Variants in TTC28 observed in about 807,000 individuals in gnomAD.
The protein encoded by TTC28 is tetratricopeptide repeat domain 28, also known as tetratricopeptide repeat protein 28.
Under a neutral mutation model 198.0 loss-of-function variants are expected in TTC28, and 61 were observed. The ratio of observed to expected loss-of-function variants is 0.31; its 90% confidence interval spans 0.25 to 0.38. TTC28 has a LOEUF of 0.38. Among genes scored for constraint, TTC28 ranks in the 10% least tolerant of loss-of-function variants. The pLI is 1.00. For missense variants in TTC28, 2,678 were observed against 3,164.0 expected (o/e 0.85, Z 3.69); for synonymous variants, 1,171 against 1,297.8 (o/e 0.90, Z 2.10).
chr22:28,184,917 A>AGC (rs1442223643), intron 5 of TTC28, among the ~76,000 whole-genome samples: 1 of 152,124 alleles, frequency 6.6e-6, no homozygotes, highest in African/African-American at 2.4e-5. Context: ...ATGAGACGGG[A>AGC]GCTTCCTGAT....
intron 1 of TTC28, among the ~76,000 whole-genome samples, chr22:28,641,344 G>T (rs919310400): frequency 2.6e-5 from 4 of 151,860 alleles, no homozygotes; most frequent in Admixed American, 6.6e-5. Context: ...ATAAAGAAAT[G>T]AATAAAACAC....
chr22:28,362,314 G>C (rs1569283100), intron 2 of TTC28, among the ~76,000 whole-genome samples: 3 of 152,242 alleles, frequency 2.0e-5, no homozygotes, highest in African/African-American at 4.8e-5. Flanking sequence ...CTCTTTGCCT[G>C]CTGTCATCCG....
At chr22:28,677,489 T>C (rs4035565) in intron 1 of TTC28, among the ~76,000 whole-genome samples, 1 of 151,456 alleles carries the variant, frequency 6.6e-6, no homozygotes, top group South Asian at 2.1e-4. Context: ...TCTACTAAAA[T>C]AATACAACAA....
At chr22:28,590,351 A>G (rs1252023065) in intron 2 of TTC28, among the ~76,000 whole-genome samples, 11 of 151,826 alleles carry the variant, frequency 7.2e-5, no homozygotes, top group Non-Finnish European at 1.5e-4. Context: ...GGATGGTCTC[A>G]ATCTCCTGAC....
At chr22:28,399,112 C>G (rs2046862130) in intron 2 of TTC28, among the ~76,000 whole-genome samples, 1 of 151,286 alleles carries the variant, frequency 6.6e-6, no homozygotes, top group Admixed American at 6.6e-5. Flanking sequence ...TTCAACTCTA[C>G]CAGACTTTTT....
At position 28,601,598 on chromosome 22, in the gene TTC28, A is replaced by G. The variant is rs187827973; in HGVS notation, c.381+27954T>C. ...ATATGCAAATACTACCTTATTTTATATAAGGAACTTAAGCATCCACAGGTT... is the reference window on the plus strand; with the variant it reads ...ATATGCAAATACTACCTTATTTTATGTAAGGAACTTAAGCATCCACAGGTT... On this transcript the variant is annotated intron_variant, in intron 2 of 22. Coordinates refer to ENST00000397906, the MANE Select transcript of TTC28 (RefSeq NM_001145418.2). Among the ~76,000 whole-genome samples, 339 of 152,276 alleles carry G rather than the reference A, an allele frequency of 2.2e-3. 2 individuals carry two copies. Among genetic ancestry groups the G allele is most frequent in the Non-Finnish European group, 2.7e-3 (183 of 68,030 alleles).
chr22:28,191,448 C>CA (rs1260356855), intron 5 of TTC28, among the ~76,000 whole-genome samples: 1 of 152,204 alleles, frequency 6.6e-6, no homozygotes, highest in African/African-American at 2.4e-5. Context: ...GGGTGCAGGT[C>CA]AGTGGGTGCA....
chr22:28,524,124 CTGTT>C (rs775389545), intron 2 of TTC28, among the ~76,000 whole-genome samples: 8 of 152,120 alleles, frequency 5.3e-5, no homozygotes, highest in Admixed American at 3.9e-4. Context: ...TTTTAATAGT[CTGTT>C]TGAATTTTTT....
chr22:28,556,138 C>T (rs147184931), intron 2 of TTC28, among the ~76,000 whole-genome samples: 3,208 of 152,064 alleles, frequency 0.021, 59 homozygotes, highest in Non-Finnish European at 0.031. Context: ...GAGGGTGGAT[C>T]ACATGAGGTC....
At chr22:28,076,663 A>T (rs1431967625) in intron 12 of TTC28, among the ~76,000 whole-genome samples, 1 of 152,144 alleles carries the variant, frequency 6.6e-6, no homozygotes, top group East Asian at 1.9e-4. Flanking sequence ...TGCAGGCTCA[A>T]ACTCCTGGGA....
At chr22:28,467,005 A>G (rs557842560) in intron 2 of TTC28, among the ~76,000 whole-genome samples, 1 of 152,342 alleles carries the variant, frequency 6.6e-6, no homozygotes, top group South Asian at 2.1e-4. Context: ...ACCCCCATCC[A>G]AAAATGGAGT....
chr22:28,215,253 C>T (rs1422881871), intron 5 of TTC28, among the ~76,000 whole-genome samples: 1 of 152,130 alleles, frequency 6.6e-6, no homozygotes, highest in Non-Finnish European at 1.5e-5. Context: ...GCACGTTGTG[C>T]ACATGTACCC....
intron 21 of TTC28, among the ~76,000 whole-genome samples, chr22:27,987,028 G>A (rs1056775658): frequency 3.9e-5 from 6 of 152,192 alleles, no homozygotes; most frequent in African/African-American, 1.4e-4. Context: ...GAAGGTGTGT[G>A]CTTATTGCTG....
chr22:28,292,139 ATTAG>A (rs1348697859), intron 5 of TTC28, among the ~76,000 whole-genome samples: 5 of 152,062 alleles, frequency 3.3e-5, no homozygotes, highest in Non-Finnish European at 7.4e-5. Context: ...TAGGCTTATA[ATTAG>A]TTATTTTCAT....
intron 2 of TTC28, among the ~76,000 whole-genome samples, chr22:28,367,051 G>C (rs2046259470): frequency 6.6e-6 from 1 of 151,888 alleles, no homozygotes; most frequent in African/African-American, 2.4e-5. Flanking sequence ...AATCAACAAA[G>C]AAACATTGGA....
chr22:28,396,946 C>A (rs1333032739), intron 2 of TTC28, among the ~76,000 whole-genome samples: 1 of 152,200 alleles, frequency 6.6e-6, no homozygotes, highest in Non-Finnish European at 1.5e-5. Flanking sequence ...CCAATACTCA[C>A]CTTATTCCTC....
intron 5 of TTC28, among the ~76,000 whole-genome samples, chr22:28,270,929 C>T (rs1932025550): frequency 1.3e-5 from 2 of 152,160 alleles, no homozygotes; most frequent in African/African-American, 4.8e-5. Context: ...ATCCATAAAC[C>T]AGATCAAACT....
chr22:28,302,470 T>C (rs2045046374), intron 3 of TTC28, among the ~76,000 whole-genome samples: 1 of 152,172 alleles, frequency 6.6e-6, no homozygotes. Flanking sequence ...AAAGGCATCC[T>C]ACAGAGGCCT....
At chr22:28,373,737 C>G (rs2046370351) in intron 2 of TTC28, among the ~76,000 whole-genome samples, 1 of 152,210 alleles carries the variant, frequency 6.6e-6, no homozygotes, top group African/African-American at 2.4e-5. Context: ...CCGAAAATGA[C>G]AGTAATCCTC....
Sources: gnomAD v4.1 joint callset for allele counts (sites outside exome capture counted in the v4.1 genomes callset) on GRCh38, gnomAD v4.1.1 for gene constraint, MANE v1.5 for transcripts, NCBI Gene and HGNC (gene_info 2026-07-23, HGNC 2026-07-21) for gene names.